CRIM1: variants seen among roughly 807,000 people sequenced by gnomAD.
CRIM1 encodes the protein cysteine-rich motor neuron 1 protein.
Under a neutral mutation model 116.4 loss-of-function variants are expected in CRIM1, and 32 were observed. The ratio of observed to expected loss-of-function variants is 0.27; its 90% CI spans 0.21 to 0.37. The LOEUF is 0.37. Among genes scored for constraint, CRIM1 ranks in the 10% least tolerant of loss-of-function variants. The pLI is 1.00. For missense variants in CRIM1, 1,331 were observed against 1,354.8 expected (o/e 0.98, Z 0.28); for synonymous variants, 590 against 509.2 (o/e 1.16, Z -2.13).
At chr2:36,430,002 A>G (rs1558574751) in intron 2 of CRIM1, among the ~76,000 whole-genome samples, 1 of 152,176 alleles carries the variant, frequency 6.6e-6, no homozygotes, top group Non-Finnish European at 1.5e-5. Flanking sequence ...ATGCTGCTGA[A>G]AGGAGTGTAA....
At chr2:36,423,452 T>C (rs554853269) in intron 2 of CRIM1, among the ~76,000 whole-genome samples, 1 of 152,352 alleles carries the variant, frequency 6.6e-6, no homozygotes, top group African/African-American at 2.4e-5. Flanking sequence ...GTTAACAAGA[T>C]CTATGTGGTT....
intron 4 of CRIM1, among the ~76,000 whole-genome samples, chr2:36,443,945 A>G (rs960712905): frequency 1.6e-4 from 25 of 152,348 alleles, no homozygotes; most frequent in African/African-American, 5.8e-4. Flanking sequence ...CCACCTTCCT[A>G]TGACATTAGA....
chr2:36,388,322 C>G (rs1255293093), intron 1 of CRIM1, among the ~76,000 whole-genome samples: 2 of 152,160 alleles, frequency 1.3e-5, no homozygotes, highest in Non-Finnish European at 1.5e-5. Context: ...TTGCCTTACT[C>G]TACATAGTGA....
Position 36,356,331 on chromosome 2 carries a change from C to T in CRIM1, c.39C>T (p.Cys13=), listed in dbSNP as rs1422244671. 3 of 1,580,466 alleles carry T rather than the reference C, an allele frequency of 1.9e-6. No homozygotes were observed. Among genetic ancestry groups the T allele is most frequent in the East Asian group, 2.3e-5 (1 of 43,320 alleles). ...CGGGGGACAGGGGGTTGGCCGGCTGCGGGCACCTCCTGGTCTCGCTGCTGG... is the reference window on the plus strand; with the variant it reads ...CGGGGGACAGGGGGTTGGCCGGCTGTGGGCACCTCCTGGTCTCGCTGCTGG... ...LVAGDRGLAG[C]GHLLVSLLGL... The change falls in exon 1 of 17, where the codon TGC becomes TGT. Residue 13 remains cysteine (C), a synonymous_variant. Coordinates refer to ENST00000280527, the MANE Select transcript of CRIM1 (RefSeq NM_016441.3). The surrounding 1 kb of genome is among the most constrained non-coding windows in gnomAD (Gnocchi z 4.3).
intron 12 of CRIM1, among the ~76,000 whole-genome samples, chr2:36,521,673 C>G (rs988387642): frequency 6.6e-6 from 1 of 152,194 alleles, no homozygotes; most frequent in Non-Finnish European, 1.5e-5. Flanking sequence ...AAAGTGAAAG[C>G]TTTCCCAGAA....
chr2:36,471,288 A>G (rs1678493402), intron 5 of CRIM1, among the ~76,000 whole-genome samples: 1 of 152,212 alleles, frequency 6.6e-6, no homozygotes, highest in South Asian at 2.1e-4. Flanking sequence ...GATTGACTCC[A>G]GTTTTGAAAC....
intron 1 of CRIM1, among the ~76,000 whole-genome samples, chr2:36,386,310 A>G (rs544126201): frequency 6.6e-6 from 1 of 152,292 alleles, no homozygotes; most frequent in African/African-American, 2.4e-5. Flanking sequence ...GTTATTATTT[A>G]TTTATCTAAC....
intron 2 of CRIM1, among the ~76,000 whole-genome samples, chr2:36,425,277 T>C (rs1379111923): frequency 6.6e-6 from 1 of 152,210 alleles, no homozygotes; most frequent in Non-Finnish European, 1.5e-5. Flanking sequence ...TAAACAGCTC[T>C]AGCAGACTAA....
chr2:36,515,725 C>T (rs1459479280), intron 11 of CRIM1, among the ~76,000 whole-genome samples: 1 of 152,210 alleles, frequency 6.6e-6, no homozygotes, highest in East Asian at 1.9e-4. Flanking sequence ...TGAGGCATAT[C>T]GTACGGCAAA....
intron 4 of CRIM1, among the ~76,000 whole-genome samples, chr2:36,443,362 C>T (rs1676005780): frequency 6.6e-6 from 1 of 152,146 alleles, no homozygotes. Context: ...CCTTTTTAGT[C>T]TACAAAGCAC....
Position 36,356,252 on chromosome 2 carries a change from C to G in CRIM1, c.-41C>G, listed in dbSNP as rs760065163. ...GCAGGGGAGGGCGCCCGCCCCGCTCCCGGCCCGGCTGCGAGGAGGAGGCGG... is the reference window on the plus strand; with the variant it reads ...GCAGGGGAGGGCGCCCGCCCCGCTCGCGGCCCGGCTGCGAGGAGGAGGCGG... On this transcript the variant is annotated 5_prime_UTR_variant, in exon 1 of 17. Transcript: ENST00000280527. The surrounding 1 kb of genome is among the most constrained non-coding windows in gnomAD (Gnocchi z 4.3). The G allele has an allele frequency of 1.6e-5, 20 of 1,247,426 alleles. No individual in the cohort carries two copies. In the East Asian group the frequency reaches 5.5e-4, roughly 35 times the overall value. The allele number at this position is 1,247,426 out of a possible 1,614,324, so 77.3% of individuals were successfully genotyped here. A position where few individuals can be genotyped will look rare whatever the true frequency, so the allele number is the denominator to read the frequency against.
intron 1 of CRIM1, among the ~76,000 whole-genome samples, chr2:36,358,836 G>C (rs1457634203): frequency 6.6e-6 from 1 of 152,108 alleles, no homozygotes; most frequent in Non-Finnish European, 1.5e-5. Flanking sequence ...AGTAAGGACA[G>C]TGTTACCTGG....
At position 36,549,837 on chromosome 2, in the gene CRIM1, TAA is replaced by T. The variant is rs1558431680; in HGVS notation, c.*1137_*1138del. The T allele has an allele frequency of 6.6e-6, 1 of 151,236 alleles. No individual in the cohort carries two copies. The highest frequency in any genetic ancestry group is 1.5e-5 in the Non-Finnish European group (1 of 67,746). 9.4% of individuals were successfully genotyped at this position (151,236 alleles called of 1,614,324 possible). On this transcript the variant is annotated 3_prime_UTR_variant, in exon 17 of 17. Coordinates refer to ENST00000280527, the MANE Select transcript of CRIM1 (RefSeq NM_016441.3). The stretch of plus-strand genomic sequence containing the variant: ...AAAAGTATTTGTGTGCATGTGTATA[TAA>T]TATATATATATACATATATATTTAT...
chr2:36,522,955 G>GT (rs977894291), intron 13 of CRIM1, among the ~76,000 whole-genome samples: 155 of 148,086 alleles, frequency 1.0e-3, no homozygotes, highest in Admixed American at 1.7e-3. Flanking sequence ...TTTTACAGTG[G>GT]TTTTTTTTTT....
intron 7 of CRIM1, 151 bp downstream of exon 7, chr2:36,479,845 CTGATGATTTGAGGAAAGG>C: frequency 1.4e-6 from 1 of 732,394 alleles, no homozygotes; most frequent in South Asian, 1.8e-5. Flanking sequence ...ACAGCTCAAA[CTGATGATTTGAGGAAAGG>C]TTGCACATGT....
chr2:36,473,143 A>G (rs1678668846), intron 5 of CRIM1, among the ~76,000 whole-genome samples: 1 of 152,222 alleles, frequency 6.6e-6, no homozygotes, highest in African/African-American at 2.4e-5. Flanking sequence ...TATAAAATAA[A>G]TATAAAGTAA....
At chr2:36,504,839 C>T (rs538174087) in intron 8 of CRIM1, among the ~76,000 whole-genome samples, 4 of 152,284 alleles carry the variant, frequency 2.6e-5, no homozygotes, top group Non-Finnish European at 5.9e-5. Context: ...TAGCATCAGT[C>T]TTTTGGCATC....
intron 4 of CRIM1, among the ~76,000 whole-genome samples, chr2:36,462,923 A>G (rs1366194053): frequency 6.6e-6 from 1 of 152,208 alleles, no homozygotes; most frequent in African/African-American, 2.4e-5. Context: ...CCCAGCTCAC[A>G]TTTACTCAGC....
intron 12 of CRIM1, 63 bp from the exon 13 acceptor site, chr2:36,522,029 C>A (rs1181214576): frequency 7.1e-7 from 1 of 1,400,254 alleles, no homozygotes; most frequent in Non-Finnish European, 1.0e-6. Context: ...TTGAAACACA[C>A]TATGTTGCAT....
Sources: allele counts gnomAD v4.1 joint callset (sites outside exome capture counted in the v4.1 genomes callset), GRCh38; gene constraint gnomAD v4.1.1; non-coding constraint Gnocchi (gnomAD v3.1); transcripts MANE v1.5; gene names NCBI Gene and HGNC (gene_info 2026-07-23, HGNC 2026-07-21).